Variants in BRAF observed in about 807,000 individuals in gnomAD.
BRAF encodes serine/threonine-protein kinase B-raf.
BRAF carries 16 observed loss-of-function variants against 104.6 expected under a neutral mutation model. That is an observed-to-expected ratio of 0.15 (90% CI 0.10 to 0.23). BRAF has a LOEUF of 0.23. BRAF is among the 10% of genes least tolerant of loss of function. The pLI, the probability that BRAF is intolerant of heterozygous loss-of-function variation, is 1.00. For missense variants in BRAF, 541 were observed against 937.3 expected, an observed-to-expected ratio of 0.58 and a Z score of 5.52; for synonymous variants, 310 against 341.6, an observed-to-expected ratio of 0.91 and a Z score of 1.02.
At chr7:140,827,541 T>C (rs1027144059) in intron 3 of BRAF, among the ~76,000 whole-genome samples, 3 of 152,230 alleles carry the variant, frequency 2.0e-5, no homozygotes, top group African/African-American at 7.2e-5. Context: ...TATCTTTATG[T>C]ATTCTGGTAA....
chr7:140,780,709 T>C (rs1294934552), intron 12 of BRAF: 1 of 152,204 alleles, frequency 6.6e-6, no homozygotes, highest in Non-Finnish European at 1.5e-5. Context: ...CATATGATGG[T>C]ATAAATTTAT....
chr7:140,746,063 G>A (rs914748039), intron 17 of BRAF, among the ~76,000 whole-genome samples: 1 of 151,994 alleles, frequency 6.6e-6, no homozygotes, highest in Admixed American at 6.6e-5. Context: ...TAGTCAATAC[G>A]GTGTGAAACA....
intron 3 of BRAF, among the ~76,000 whole-genome samples, chr7:140,811,469 T>A (rs569401445): frequency 6.6e-6 from 1 of 152,150 alleles, no homozygotes; most frequent in Non-Finnish European, 1.5e-5. Flanking sequence ...GGAGCTTATA[T>A]GTCTAGCTGA....
intron 1 of BRAF, among the ~76,000 whole-genome samples, chr7:140,899,031 C>A (rs577810010): frequency 6.6e-6 from 1 of 152,114 alleles, no homozygotes; most frequent in Non-Finnish European, 1.5e-5. Flanking sequence ...ATATCTACTG[C>A]ACTACTGAGG....
intron 2 of BRAF, among the ~76,000 whole-genome samples, chr7:140,844,426 T>TTTC (rs1174181781): frequency 6.6e-6 from 1 of 152,230 alleles, no homozygotes; most frequent in Non-Finnish European, 1.5e-5. Flanking sequence ...TTCTGCACTG[T>TTTC]TTCTGAGTTT....
intron 5 of BRAF, among the ~76,000 whole-genome samples, chr7:140,804,566 G>A (rs1019667243): frequency 5.9e-5 from 9 of 151,862 alleles, no homozygotes; most frequent in Admixed American, 5.9e-4. Flanking sequence ...CTCGTGAGCT[G>A]CCCACCTTAG....
chr7:140,887,890 T>C (rs1813755982), intron 1 of BRAF, among the ~76,000 whole-genome samples: 1 of 151,804 alleles, frequency 6.6e-6, no homozygotes, highest in Admixed American at 6.6e-5. Flanking sequence ...ATTTTTTTTT[T>C]TTTTTTGAGA....
rs928370683 is a variant in BRAF, at chr7:140,924,242, G to A, written c.138+324C>T. ...CCCACCCCACAGAGATGCAGAGCTGGATACTTCAGCCAATCGTGACCTTCT... is the reference window on the plus strand; with the variant it reads ...CCCACCCCACAGAGATGCAGAGCTGAATACTTCAGCCAATCGTGACCTTCT... On this transcript the variant is annotated intron_variant, in intron 1 of 19. Coordinates refer to ENST00000644969, the MANE Select transcript of BRAF (RefSeq NM_001374258.1). This position sits in a 1 kb window ranked among gnomAD's most constrained non-coding sequence, Gnocchi z 4.2. Among the ~76,000 whole-genome samples, 5 of 151,916 alleles carry A rather than the reference G, an allele frequency of 3.3e-5. No individual in the cohort carries two copies. The highest frequency in any genetic ancestry group is 1.2e-4 in the African/African-American group (5 of 41,378).
intron 1 of BRAF, among the ~76,000 whole-genome samples, chr7:140,890,946 G>A (rs1814151630): frequency 1.3e-5 from 2 of 152,246 alleles, no homozygotes. Context: ...TAAAGTAAAA[G>A]TACAACTTAT....
At chr7:140,779,633 AT>A (rs1800660460) in intron 12 of BRAF, among the ~76,000 whole-genome samples, 1 of 152,122 alleles carries the variant, frequency 6.6e-6, no homozygotes, top group Non-Finnish European at 1.5e-5. Context: ...GGGATTTTGG[AT>A]TAAAGATACC....
chr7:140,821,936 T>C (rs6963768), intron 3 of BRAF, among the ~76,000 whole-genome samples: 2,838 of 152,140 alleles, frequency 0.019, 39 homozygotes, highest in African/African-American at 0.029. Flanking sequence ...AAACCAAATA[T>C]CAAATGTTCT....
chr7:140,913,024 T>C (rs74603420), intron 1 of BRAF, among the ~76,000 whole-genome samples: 4,304 of 152,310 alleles, frequency 0.028, 214 homozygotes, highest in African/African-American at 0.096. Context: ...ACACAGAATC[T>C]TTGAACTAAT....
chr7:140,734,102 A>C (rs1796189074), intron 19 of BRAF: 1 of 1,039,064 alleles, frequency 9.6e-7, no homozygotes, highest in Admixed American at 5.5e-5. Context: ...TTATAGAAAA[A>C]TTATTAAGAA....
chr7:140,822,898 A>ATG (rs1554407045), intron 3 of BRAF, among the ~76,000 whole-genome samples: 1 of 152,148 alleles, frequency 6.6e-6, no homozygotes, highest in African/African-American at 2.4e-5. Context: ...ACATAGCACA[A>ATG]TGTAGCTTTT....
In BRAF at chr7:140,726,465, A is replaced by C. The variant is rs1384093650; in HGVS notation, c.*29T>G. 2 of 1,536,322 alleles carry C rather than the reference A, an allele frequency of 1.3e-6. No homozygotes were observed. Among genetic ancestry groups the C allele is most frequent in the Non-Finnish European group, 1.7e-6 (2 of 1,146,960 alleles). On this transcript the variant is annotated 3_prime_UTR_variant, in exon 20 of 20. Coordinates refer to ENST00000644969, the MANE Select transcript of BRAF (RefSeq NM_001374258.1). ...AATTGTACGAACACAAGACTTAAGA[A>C]ATAAGAGCAGATGCTGCCATGATGG...
intron 17 of BRAF, 42 bp downstream of exon 16, chr7:140,749,245 T>A (rs1797591983): frequency 4.4e-6 from 7 of 1,608,922 alleles, no homozygotes; most frequent in Non-Finnish European, 5.9e-6. Context: ...GAGCCTTGTA[T>A]ATAGACGGTA....
At chr7:140,907,766 C>A (rs1816491086) in intron 1 of BRAF, among the ~76,000 whole-genome samples, 1 of 148,112 alleles carries the variant, frequency 6.8e-6, no homozygotes, top group Non-Finnish European at 1.5e-5. Context: ...TTTTTTGAGA[C>A]ACAGTTTCAC....
rs540786077 is a variant in BRAF, at chr7:140,856,888, T to C, written c.139-6676A>G. Among the ~76,000 whole-genome samples the C allele has an allele frequency of 2.0e-5, 3 of 152,114 alleles. No individual in the cohort carries two copies. The South Asian group carries it at 6.2e-4, about 32-fold the overall frequency. On this transcript the variant is annotated intron_variant, in intron 1 of 19. Coordinates refer to ENST00000644969, the MANE Select transcript of BRAF (RefSeq NM_001374258.1). Reference sequence around the variant, plus strand: ...ATCAGTAAAAGAAGCAAGAAGATAATGAACTGACGTTAAGGTGCAAGAAGA... The same window carrying C: ...ATCAGTAAAAGAAGCAAGAAGATAACGAACTGACGTTAAGGTGCAAGAAGA...
intron 3 of BRAF, among the ~76,000 whole-genome samples, chr7:140,829,183 T>C (rs1806416545): frequency 8.0e-6 from 1 of 124,556 alleles, no homozygotes; most frequent in South Asian, 2.4e-4. Context: ...TTGACTCTGT[T>C]AAGGTTTTTT....
Sources: gnomAD v4.1 joint callset for allele counts (sites outside exome capture counted in the v4.1 genomes callset) on GRCh38, gnomAD v4.1.1 for gene constraint, Gnocchi (gnomAD v3.1) non-coding constraint, MANE v1.5 for transcripts, NCBI Gene and HGNC (gene_info 2026-07-23, HGNC 2026-07-21) for gene names.